The following RANBP17 variants were observed in gnomAD, a reference collection of about 807,000 sequenced individuals.
RANBP17 encodes ran-binding protein 17.
A neutral mutation model predicts 141.2 loss-of-function variants in RANBP17; 158 were observed. The observed-to-expected ratio is 1.12, with a 90% confidence interval of 0.98 to 1.28. RANBP17 has a LOEUF of 1.28. RANBP17 is among the 50% of genes most tolerant of loss of function. RANBP17 has a pLI of 0.00. For synonymous variants in RANBP17, 430 were observed against 450.0 expected, an observed-to-expected ratio of 0.96 and a Z score of 0.56; for missense variants, 1,438 against 1,290.7, an observed-to-expected ratio of 1.11 and a Z score of -1.75.
chr5:170,951,771 G>A (rs941555809), intron 12 of RANBP17, among the ~76,000 whole-genome samples: 2 of 152,036 alleles, frequency 1.3e-5, no homozygotes, highest in Non-Finnish European at 2.9e-5. Context: ...TAGGCTCATG[G>A]ATTGAAGATT....
intron 7 of RANBP17, among the ~76,000 whole-genome samples, chr5:170,912,173 T>C (rs1382716626): frequency 6.6e-6 from 1 of 151,960 alleles, no homozygotes; most frequent in African/African-American, 2.4e-5. Flanking sequence ...TTGTGTTCTG[T>C]ATCTTGACTG....
At chr5:170,892,230 A>G (rs532515381) in intron 3 of RANBP17, among the ~76,000 whole-genome samples, 157 bp from the exon 4 acceptor site, 2 of 149,764 alleles carry the variant, frequency 1.3e-5, no homozygotes, top group East Asian at 2.0e-4. Context: ...TGCTGTACCT[A>G]TCAACCCGTC....
chr5:171,036,552 C>T (rs1203577942), intron 14 of RANBP17, among the ~76,000 whole-genome samples: 3 of 152,086 alleles, frequency 2.0e-5, no homozygotes, highest in East Asian at 1.9e-4. Context: ...AACCCATCAC[C>T]CTGGAAGTGA....
At chr5:170,899,397 T>A (rs1234073808) in intron 5 of RANBP17, among the ~76,000 whole-genome samples, 1 of 152,240 alleles carries the variant, frequency 6.6e-6, no homozygotes, top group Non-Finnish European at 1.5e-5. Flanking sequence ...AAGTTGCTTA[T>A]CAGCTTTAAG....
At chr5:170,971,539 ATTGGATC>A (rs767255842) in intron 14 of RANBP17, among the ~76,000 whole-genome samples, 70 of 152,180 alleles carry the variant, frequency 4.6e-4, no homozygotes, top group Non-Finnish European at 7.2e-4. Context: ...CCTCCTTTTT[ATTGGATC>A]TTTCCACTGG....
At chr5:170,876,575 A>C (rs772567542) in intron 1 of RANBP17, among the ~76,000 whole-genome samples, 2 of 152,072 alleles carry the variant, frequency 1.3e-5, no homozygotes, top group African/African-American at 2.4e-5. Context: ...CCTATTTGAA[A>C]TCTTATTTTT....
At chr5:170,889,381 C>T (rs905558392) in intron 3 of RANBP17, among the ~76,000 whole-genome samples, 1 of 151,930 alleles carries the variant, frequency 6.6e-6, no homozygotes, top group Non-Finnish European at 1.5e-5. Context: ...AAAAGACTAT[C>T]TACAAGTTTG....
At chr5:171,004,087 C>A (rs572472357) in intron 14 of RANBP17, among the ~76,000 whole-genome samples, 26 of 152,184 alleles carry the variant, frequency 1.7e-4, no homozygotes, top group African/African-American at 6.0e-4. Context: ...CTGTAGCAGG[C>A]AAGTGATAAC....
intron 14 of RANBP17, among the ~76,000 whole-genome samples, chr5:171,093,440 A>G (rs1786459276): frequency 6.6e-6 from 1 of 152,184 alleles, no homozygotes; most frequent in African/African-American, 2.4e-5. Flanking sequence ...TTAATGAAAA[A>G]AAAATCAGTT....
At chr5:170,911,934 A>C (rs1771560838) in intron 7 of RANBP17, among the ~76,000 whole-genome samples, 1 of 151,876 alleles carries the variant, frequency 6.6e-6, no homozygotes, top group Admixed American at 6.6e-5. Flanking sequence ...CTGAACAGTT[A>C]AACTCTCCAG....
chr5:170,908,391 T>C (rs1292319274), intron 5 of RANBP17, among the ~76,000 whole-genome samples: 1 of 151,816 alleles, frequency 6.6e-6, no homozygotes, highest in Non-Finnish European at 1.5e-5. Flanking sequence ...GAGGCCCTTA[T>C]CTGAAGCAAA....
chr5:171,162,396 G>A (rs1047689094), intron 14 of RANBP17, among the ~76,000 whole-genome samples: 1 of 152,122 alleles, frequency 6.6e-6, no homozygotes, highest in Non-Finnish European at 1.5e-5. Context: ...TCTTGGCTAG[G>A]GAAGGCCTGT....
At chr5:171,124,364 C>T (rs973091584) in intron 14 of RANBP17, among the ~76,000 whole-genome samples, 3 of 151,904 alleles carry the variant, frequency 2.0e-5, no homozygotes, top group African/African-American at 7.3e-5. Flanking sequence ...TATGAGATGC[C>T]ATAAAGTAAC....
chr5:170,895,960 C>A, intron 4 of RANBP17, 90 bp from the exon 5 acceptor site: 1 of 619,528 alleles, frequency 1.6e-6, no homozygotes, highest in Non-Finnish European at 2.7e-6. Flanking sequence ...GTGTTTCAGT[C>A]TTTAATTGTT....
chr5:171,269,431 G>A (rs1183673815), intron 25 of RANBP17, among the ~76,000 whole-genome samples: 3 of 152,172 alleles, frequency 2.0e-5, no homozygotes, highest in East Asian at 1.9e-4. Flanking sequence ...GAGTAAAAGC[G>A]GCAGGCAGGA....
chr5:171,196,028 A>G (rs1048789733), intron 18 of RANBP17, among the ~76,000 whole-genome samples: 1 of 152,322 alleles, frequency 6.6e-6, no homozygotes, highest in Non-Finnish European at 1.5e-5. Flanking sequence ...CACTGGGGAT[A>G]CTCTGTGATG....
At chr5:171,050,561 G>C (rs1782890388) in intron 14 of RANBP17, among the ~76,000 whole-genome samples, 1 of 152,112 alleles carries the variant, frequency 6.6e-6, no homozygotes, top group African/African-American at 2.4e-5. Context: ...TCAAAAATTA[G>C]CTAGGCATTG....
intron 11 of RANBP17, among the ~76,000 whole-genome samples, chr5:170,920,206 T>C (rs991416755): frequency 6.6e-6 from 1 of 152,152 alleles, no homozygotes; most frequent in Non-Finnish European, 1.5e-5. Flanking sequence ...GCATGTTAAA[T>C]ATAGTATATA....
chr5:170,916,074 A>G (rs534838096), intron 8 of RANBP17, among the ~76,000 whole-genome samples: 1 of 151,104 alleles, frequency 6.6e-6, no homozygotes. Flanking sequence ...ATTGCATTAT[A>G]ATGCATTATA....
Sources: gnomAD v4.1 joint callset for allele counts (sites outside exome capture counted in the v4.1 genomes callset) on GRCh38, gnomAD v4.1.1 for gene constraint, MANE v1.5 for transcripts, NCBI Gene and HGNC (gene_info 2026-07-23, HGNC 2026-07-21) for gene names.